The following CEP162 variants were observed in gnomAD, a reference collection of about 807,000 sequenced individuals.
CEP162 encodes the protein centrosomal protein 162.
CEP162 carries 141 observed loss-of-function variants against 169.2 expected under a neutral mutation model. The ratio of observed to expected loss-of-function variants is 0.83; its 90% CI spans 0.73 to 0.96. The LOEUF (loss-of-function observed/expected upper bound fraction) is 0.96, where lower values mean the gene tolerates loss of function less well. Among genes scored for constraint, CEP162 ranks in the 40% least tolerant of loss-of-function variants. CEP162 has a pLI of 0.00. For missense variants in CEP162, 1,600 were observed against 1,587.2 expected, an observed-to-expected ratio of 1.01 and a Z score of -0.14; for synonymous variants, 540 against 526.4, an observed-to-expected ratio of 1.03 and a Z score of -0.35.
In CEP162 at chr6:84,174,799, C is replaced by T; in HGVS notation, c.1953G>A (p.Leu651=). Residue 651 remains leucine, a synonymous_variant, in exon 15 of 27, where the codon TTG becomes TTA. Transcript: ENST00000403245. Reference sequence around the variant, plus strand: ...TTTCCTGTTGTTTCTTTAGTTCTTCCAACTTATTTTCTAGTTCTTTCTCCT... The same window carrying T: ...TTTCCTGTTGTTTCTTTAGTTCTTCTAACTTATTTTCTAGTTCTTTCTCCT... ...SEKEKELENK[L]EELKKQQEKE... is the part of the protein sequence containing the mutation. 6.3e-7 allele frequency: 1 copy of T among 1,585,650 alleles called. No homozygotes were observed. The highest frequency in any genetic ancestry group is 8.6e-7 in the Non-Finnish European group (1 of 1,162,394).
chr6:84,194,803 A>G lies in CEP162; in HGVS notation c.1027+81T>C, dbSNP rs1443409835. 6.3e-6 allele frequency: 7 copies of G among 1,111,356 alleles called. No individual in the cohort carries two copies. In the African/African-American group the frequency reaches 8.0e-5, roughly 13 times the overall value. 68.8% of individuals were successfully genotyped at this position (1,111,356 alleles called of 1,614,324 possible). A position where few individuals can be genotyped will look rare whatever the true frequency, so the allele number is the denominator to read the frequency against. ...AGACTGAGAAACAATCACTACAGCA[A>G]ATTGTATTTTAATTATATTACACTA... On this transcript the variant is annotated intron_variant, in intron 10 of 26. Coordinates refer to ENST00000403245, the MANE Select transcript of CEP162 (RefSeq NM_014895.4).
intron 13 of CEP162, among the ~76,000 whole-genome samples, chr6:84,179,796 G>A (rs920164683): frequency 1.3e-5 from 2 of 152,074 alleles, no homozygotes; most frequent in Admixed American, 6.5e-5. Flanking sequence ...AAACCAGGAA[G>A]AACTTGAATC....
Position 84,186,250 on chromosome 6 carries a change from C to T in CEP162, c.1401+82G>A, listed in dbSNP as rs1414929007. Reference sequence around the variant, plus strand: ...TAATCAATCCCACTAGTTTAAAAAGCACACACCTACCAATAGTACTTATAT... The same window carrying T: ...TAATCAATCCCACTAGTTTAAAAAGTACACACCTACCAATAGTACTTATAT... On this transcript the variant is annotated intron_variant, in intron 12 of 26. Coordinates refer to ENST00000403245, the MANE Select transcript of CEP162 (RefSeq NM_014895.4). 1.6e-5 allele frequency: 12 copies of T among 751,696 alleles called. No individual in the cohort carries two copies. In the East Asian group the frequency reaches 3.2e-4, roughly 20 times the overall value. The allele number at this position is 751,696 out of a possible 1,614,324, so 46.6% of individuals were successfully genotyped here. A position where few individuals can be genotyped will look rare whatever the true frequency, so the allele number is the denominator to read the frequency against.
chr6:84,134,537 C>G (rs534874932), intron 25 of CEP162, among the ~76,000 whole-genome samples: 30 of 152,260 alleles, frequency 2.0e-4, no homozygotes, highest in Non-Finnish European at 4.0e-4. Flanking sequence ...AGCATAGTAA[C>G]TGGGCTGGAG....
intron 11 of CEP162, among the ~76,000 whole-genome samples, chr6:84,192,812 T>C (rs1471017641): frequency 6.6e-6 from 1 of 152,252 alleles, no homozygotes; most frequent in Non-Finnish European, 1.5e-5. Context: ...CTTTATTTAT[T>C]TTAATCTCTT....
chr6:84,223,819 A>G (rs2099554682), intron 2 of CEP162, among the ~76,000 whole-genome samples: 1 of 151,674 alleles, frequency 6.6e-6, no homozygotes. Context: ...AGGCATAGGA[A>G]TTGCTTAAGC....
intron 23 of CEP162, among the ~76,000 whole-genome samples, chr6:84,150,814 G>A (rs2099520798): frequency 2.0e-5 from 3 of 152,126 alleles, no homozygotes; most frequent in Admixed American, 2.0e-4. Context: ...CTGCCATATG[G>A]TAACAACATG....
intron 24 of CEP162, among the ~76,000 whole-genome samples, chr6:84,148,434 C>T (rs180882020): frequency 8.2e-4 from 125 of 152,162 alleles, no homozygotes; most frequent in African/African-American, 2.6e-3. Flanking sequence ...AAGGCTGAGA[C>T]AGAAGAATCG....
intron 22 of CEP162, 63 bp from the exon 23 acceptor site, chr6:84,153,242 C>T (rs1200156327): frequency 2.1e-6 from 3 of 1,422,854 alleles, no homozygotes; most frequent in African/African-American, 2.9e-5. Flanking sequence ...TGCTGAAGCC[C>T]TGCACACTAC....
At chr6:84,160,729 C>A in intron 21 of CEP162, 83 bp downstream of exon 21, 1 of 813,368 alleles carries the variant, frequency 1.2e-6, no homozygotes, top group Admixed American at 2.0e-5. Flanking sequence ...AACTCCATCT[C>A]ATGGGAACTC....
chr6:84,168,797 A>G, intron 18 of CEP162, among the ~76,000 whole-genome samples: 1 of 152,218 alleles, frequency 6.6e-6, no homozygotes, highest in East Asian at 1.9e-4. Flanking sequence ...TTTAATAAAC[A>G]TAAAAAAGTT....
chr6:84,154,729 A>G (rs1258125147), intron 22 of CEP162, among the ~76,000 whole-genome samples: 2 of 152,200 alleles, frequency 1.3e-5, no homozygotes, highest in African/African-American at 2.4e-5. Flanking sequence ...TTTAAAAATA[A>G]TCTATAACTG....
chr6:84,211,651 A>C (rs1217681265), intron 6 of CEP162, among the ~76,000 whole-genome samples: 1 of 151,902 alleles, frequency 6.6e-6, no homozygotes, highest in African/African-American at 2.4e-5. Flanking sequence ...CACAGAAAGA[A>C]AAAAAGTTTT....
intron 24 of CEP162, 56 bp downstream of exon 24, chr6:84,149,505 CA>C: frequency 7.4e-7 from 1 of 1,353,224 alleles, no homozygotes; most frequent in Non-Finnish European, 9.9e-7. Flanking sequence ...ACTTTAATCT[CA>C]TTAAAGTCAA....
chr6:84,216,100 T>G, intron 3 of CEP162, 178 bp from the exon 4 acceptor site: 2 of 779,616 alleles, frequency 2.6e-6, no homozygotes, highest in Non-Finnish European at 3.7e-6. Flanking sequence ...ATAATTCTAT[T>G]TGGTGGCACT....
intron 16 of CEP162, among the ~76,000 whole-genome samples, chr6:84,172,983 T>C (rs2099530796): frequency 2.0e-5 from 3 of 152,316 alleles, no homozygotes; most frequent in Non-Finnish European, 4.4e-5. Context: ...CATTACACAT[T>C]GCAAACATCT....
At chr6:84,157,264 G>A (rs2099523584) in intron 21 of CEP162, among the ~76,000 whole-genome samples, 1 of 152,228 alleles carries the variant, frequency 6.6e-6, no homozygotes, top group South Asian at 2.1e-4. Flanking sequence ...ATGCACAGAA[G>A]CACAAATTAA....
chr6:84,141,395 G>C (rs1250308365), intron 25 of CEP162, among the ~76,000 whole-genome samples: 2 of 152,070 alleles, frequency 1.3e-5, no homozygotes, highest in African/African-American at 4.8e-5. Flanking sequence ...CTAGACTTAA[G>C]ACCAACGTTA....
chr6:84,221,153 C>A lies in CEP162; in HGVS notation c.76G>T (p.Glu26Ter). The A allele has an allele frequency of 6.4e-7, 1 of 1,551,304 alleles. No homozygotes were observed. Among genetic ancestry groups the A allele is most frequent in the Non-Finnish European group, 8.9e-7 (1 of 1,124,980 alleles). ...TGTCTAGCTGTTTTGTCTGAATTTT[C>A]AAAAGAATCATCTGAAAGCTGAATT... ...FMKELSDDSF[E>*]NSDKTARQSK... The change falls in exon 3 of 27, where the codon GAA (glutamate) becomes TAA (stop). Residue 26 changes from glutamate to a stop codon, truncating the protein, a stop_gained. Coordinates refer to ENST00000403245, the MANE Select transcript of CEP162 (RefSeq NM_014895.4). LOFTEE classifies it high-confidence loss of function.
Sources: allele counts gnomAD v4.1 joint callset (sites outside exome capture counted in the v4.1 genomes callset), GRCh38; gene constraint gnomAD v4.1.1; transcripts MANE v1.5; gene names NCBI Gene and HGNC (gene_info 2026-07-23, HGNC 2026-07-21).